The following FAM83F variants were observed in gnomAD, a reference collection of about 807,000 sequenced individuals.
FAM83F encodes the protein scaffolding CK1 anchoring protein F.
In FAM83F, 45 loss-of-function variants were observed where a neutral mutation model predicts 42.9. That is an observed-to-expected ratio of 1.05 (90% CI 0.83 to 1.35). The LOEUF (loss-of-function observed/expected upper bound fraction) is 1.35, where lower values mean the gene tolerates loss of function less well. Among genes scored for constraint, FAM83F ranks in the 40% most tolerant of loss-of-function variants. The probability of loss-of-function intolerance (pLI) is 0.00; values close to 1 mark genes in which losing one functional copy is unlikely to be tolerated. For missense variants in FAM83F, 617 were observed against 695.9 expected (o/e 0.89, Z 1.28); for synonymous variants, 306 against 298.3 (o/e 1.03, Z -0.27).
In FAM83F at chr22:40,016,174, G is replaced by A. The variant is rs1337624973; in HGVS notation, c.490-2994G>A. ...GGTTTACAGAAATAACATTGTCAGT[G>A]ATTGACTATACGTTGTTGTTGTTGT... On this transcript the variant is annotated intron_variant, in intron 1 of 4. Transcript: ENST00000333407. Among the ~76,000 whole-genome samples the A allele has an allele frequency of 2.0e-5, 3 of 150,636 alleles. No homozygotes were observed. The East Asian group carries it at 5.8e-4, about 29-fold the overall frequency.
chr22:40,020,528 A>G (rs2067514021), intron 3 of FAM83F, among the ~76,000 whole-genome samples: 1 of 151,582 alleles, frequency 6.6e-6, no homozygotes, highest in African/African-American at 2.4e-5. Context: ...ATGCTCAGCT[A>G]ATTTTTGTAT....
chr22:40,031,061 G>A lies in FAM83F; in HGVS notation c.*1496G>A, dbSNP rs940246560. On this transcript the variant is annotated 3_prime_UTR_variant, in exon 5 of 5. Coordinates refer to ENST00000333407, the MANE Select transcript of FAM83F (RefSeq NM_138435.4). ...CTGGCAGTGGGGAGGGGAAGGGAAA[G>A]GAAGGGTGAGCCTGTCCCCAGGGTC... 6 of 152,284 alleles carry A rather than the reference G, an allele frequency of 3.9e-5. No individual in the cohort carries two copies. The highest frequency in any genetic ancestry group is 1.2e-4 in the African/African-American group (5 of 41,446). The allele number at this position is 152,284 out of a possible 1,614,324, so 9.4% of individuals were successfully genotyped here. A position where few individuals can be genotyped will look rare whatever the true frequency, so the allele number is the denominator to read the frequency against.
chr22:40,039,796 A>G lies in FAM83F; in HGVS notation c.*10231A>G, dbSNP rs1372187753. Reference sequence around the variant, plus strand: ...TTGGGGAAGCAAAGAAAAGATTCTCAGAGTAAAACGTATTGGTGAAGCCAT... The same window carrying G: ...TTGGGGAAGCAAAGAAAAGATTCTCGGAGTAAAACGTATTGGTGAAGCCAT... On this transcript the variant is annotated 3_prime_UTR_variant, in exon 5 of 5. Transcript: ENST00000333407. 1 of 152,310 alleles carries G rather than the reference A, an allele frequency of 6.6e-6. No individual in the cohort carries two copies. The highest frequency in any genetic ancestry group is 1.5e-5 in the Non-Finnish European group (1 of 68,070). 9.4% of individuals were successfully genotyped at this position (152,310 alleles called of 1,614,324 possible).
At position 39,995,521 on chromosome 22, in the gene FAM83F, A is replaced by G. The variant is rs758846476; in HGVS notation, c.479A>G (p.Gln160Arg). Residue 160 changes from glutamine (Q) to arginine (R), a missense_variant, in exon 1 of 5, where the codon CAG (glutamine) becomes CGG (arginine). Physicochemically the swap from Gln to Arg is conservative, Grantham distance 43 (BLOSUM62 1). Coordinates refer to ENST00000333407, the MANE Select transcript of FAM83F (RefSeq NM_138435.4). This position sits in a 1 kb window ranked among gnomAD's most constrained non-coding sequence, Gnocchi z 4.6. ...CAGGTGGTCAGGCAGATGATCCAAC[A>G]GGCCCAGAAGGTAGGCCCCCGCCTT... ...LKQVVRQMIQ[Q>R]AQKVIAVVMD... 2.6e-6 allele frequency: 4 copies of G among 1,564,110 alleles called. No homozygotes were observed. Among genetic ancestry groups the G allele is most frequent in the Non-Finnish European group, 3.5e-6 (4 of 1,152,662 alleles).
chr22:40,016,820 C>T (rs1049303293), intron 1 of FAM83F, among the ~76,000 whole-genome samples: 3 of 151,884 alleles, frequency 2.0e-5, no homozygotes, highest in Admixed American at 1.3e-4. Flanking sequence ...CCCGCCACCA[C>T]GCCTGGCTAA....
At chr22:40,013,108 G>A (rs117184877) in intron 1 of FAM83F, among the ~76,000 whole-genome samples, 672 of 92,234 alleles carry the variant, frequency 7.3e-3, no homozygotes, top group Non-Finnish European at 8.7e-3. Context: ...AAAAAAAAAA[G>A]ACTGCTCCTT....
chr22:40,023,325 G>T lies in FAM83F; in HGVS notation c.1453+1362G>T, dbSNP rs146991419. Among the ~76,000 whole-genome samples, 427 of 151,218 alleles carry T rather than the reference G, an allele frequency of 2.8e-3. No homozygotes were observed. Among genetic ancestry groups the T allele is most frequent in the Non-Finnish European group, 4.7e-3 (317 of 67,786 alleles). ...CTGGCCCCATCCCCATTCCTCCTGG[G>T]CTCCCTGGCTCCCCTAACACCAGCT... On this transcript the variant is annotated intron_variant, in intron 4 of 4. Coordinates refer to ENST00000333407, the MANE Select transcript of FAM83F (RefSeq NM_138435.4). The surrounding 1 kb of genome is among the most constrained non-coding windows in gnomAD (Gnocchi z 4.1).
At chr22:40,015,829 A>G (rs2067489762) in intron 1 of FAM83F, among the ~76,000 whole-genome samples, 1 of 152,162 alleles carries the variant, frequency 6.6e-6, no homozygotes, top group Non-Finnish European at 1.5e-5. Context: ...TGTCTTAGTT[A>G]TTTTGTGCAA....
At position 40,042,069 on chromosome 22, in the gene FAM83F, T is replaced by C. The variant is rs2067653520; in HGVS notation, c.*12504T>C. On this transcript the variant is annotated 3_prime_UTR_variant, in exon 5 of 5. Coordinates refer to ENST00000333407, the MANE Select transcript of FAM83F (RefSeq NM_138435.4). ...TAGAAATGGGCTCTGCCTGTGTTGC[T>C]CTAGCTAGTCTCAAGCTCCTGGCCT... 1 of 152,172 alleles carries C rather than the reference T, an allele frequency of 6.6e-6. No individual in the cohort carries two copies. The highest frequency in any genetic ancestry group is 6.5e-5 in the Admixed American group (1 of 15,268). The allele number at this position is 152,172 out of a possible 1,614,324, so 9.4% of individuals were successfully genotyped here. A position where few individuals can be genotyped will look rare whatever the true frequency, so the allele number is the denominator to read the frequency against.
rs2067589642 is a variant in FAM83F, at chr22:40,031,840, A to G, written c.*2275A>G. ...CTTGAGACAGAAACTGTAGTCCGAG[A>G]TGGCAAGGATTTTGAACTCACAAAA... On this transcript the variant is annotated 3_prime_UTR_variant, in exon 5 of 5. Coordinates refer to ENST00000333407, the MANE Select transcript of FAM83F (RefSeq NM_138435.4). The G allele has an allele frequency of 6.6e-6, 1 of 152,240 alleles. No individual in the cohort carries two copies. Among genetic ancestry groups the G allele is most frequent in the Non-Finnish European group, 1.5e-5 (1 of 68,076 alleles). The allele number at this position is 152,240 out of a possible 1,614,324, so 9.4% of individuals were successfully genotyped here.
Position 40,021,137 on chromosome 22 carries a change from T to G in FAM83F, c.780-153T>G, listed in dbSNP as rs1310096268. On this transcript the variant is annotated intron_variant, in intron 3 of 4. Transcript: ENST00000333407. This position sits in a 1 kb window ranked among gnomAD's most constrained non-coding sequence, Gnocchi z 8.7. The stretch of plus-strand genomic sequence containing the variant: ...GCTCTGGGGAAAGGGAGGCTACGGG[T>G]GGGTGGAGGGAATCAGTCCAGCGTG... 1.3e-5 allele frequency among the ~76,000 whole-genome samples: 2 copies of G among 151,920 alleles called. No individual in the cohort carries two copies. Among genetic ancestry groups the G allele is most frequent in the East Asian group, 3.9e-4 (2 of 5,190 alleles).
chr22:40,013,015 T>C (rs2067474769), intron 1 of FAM83F, among the ~76,000 whole-genome samples: 1 of 135,076 alleles, frequency 7.4e-6, no homozygotes, highest in African/African-American at 2.9e-5. Context: ...CCCAGCAGGC[T>C]GAGCTTGCAG....
intron 1 of FAM83F, among the ~76,000 whole-genome samples, chr22:40,005,930 C>G (rs2067425477): frequency 6.6e-6 from 1 of 152,188 alleles, no homozygotes; most frequent in Non-Finnish European, 1.5e-5. Context: ...GCAGCCTCGC[C>G]TCCAAGTGGG....
rs183385867 is a variant in FAM83F, at chr22:40,023,077, G to A, written c.1453+1114G>A. Among the ~76,000 whole-genome samples the A allele has an allele frequency of 4.7e-4, 71 of 152,342 alleles. No individual in the cohort carries two copies. The highest frequency in any genetic ancestry group is 1.6e-3 in the African/African-American group (65 of 41,582). On this transcript the variant is annotated intron_variant, in intron 4 of 4. Transcript: ENST00000333407. This position sits in a 1 kb window ranked among gnomAD's most constrained non-coding sequence, Gnocchi z 4.1. Reference sequence around the variant, plus strand: ...GTGGGCACAGTGGGAGTGTCAGGGCGTTCCTTCTGTTTGGCCTGGAGACGT... The same window carrying A: ...GTGGGCACAGTGGGAGTGTCAGGGCATTCCTTCTGTTTGGCCTGGAGACGT...
At chr22:40,017,418 A>C (rs1390480292) in intron 1 of FAM83F, among the ~76,000 whole-genome samples, 1 of 151,724 alleles carries the variant, frequency 6.6e-6, no homozygotes, top group African/African-American at 2.4e-5. Flanking sequence ...TTTTTAGTAG[A>C]GACAGGGTTT....
chr22:40,019,848 C>A, intron 2 of FAM83F, 39 bp from the exon 3 acceptor site: 2 of 1,578,766 alleles, frequency 1.3e-6, no homozygotes, highest in South Asian at 1.2e-5. Flanking sequence ...CGGAGGCTGG[C>A]CCAACCCAGG....
chr22:40,019,475 G>A lies in FAM83F; in HGVS notation c.657+140G>A, dbSNP rs1214623679. The A allele has an allele frequency of 3.9e-6, 3 of 761,284 alleles. No homozygotes were observed. The East Asian group carries it at 7.9e-5, about 20-fold the overall frequency. The allele number at this position is 761,284 out of a possible 1,614,324, so 47.2% of individuals were successfully genotyped here. A position where few individuals can be genotyped will look rare whatever the true frequency, so the allele number is the denominator to read the frequency against. ...AGATCTCAACACCTTTCCTTTTGTTGAAAGTCAAGCCTTTAACCTTGGCTT... is the reference window on the plus strand; with the variant it reads ...AGATCTCAACACCTTTCCTTTTGTTAAAAGTCAAGCCTTTAACCTTGGCTT... On this transcript the variant is annotated intron_variant, in intron 2 of 4. Coordinates refer to ENST00000333407, the MANE Select transcript of FAM83F (RefSeq NM_138435.4).
chr22:40,023,111 C>A lies in FAM83F; in HGVS notation c.1453+1148C>A, dbSNP rs1365540534. On this transcript the variant is annotated intron_variant, in intron 4 of 4. Coordinates refer to ENST00000333407, the MANE Select transcript of FAM83F (RefSeq NM_138435.4). This position sits in a 1 kb window ranked among gnomAD's most constrained non-coding sequence, Gnocchi z 4.1. ...GTTTGGCCTGGAGACGTTGACTGAG[C>A]TGCTGGCTTGCCAGGTCCTGCACAG... Among the ~76,000 whole-genome samples, 1 of 152,206 alleles carries A rather than the reference C, an allele frequency of 6.6e-6. No individual in the cohort carries two copies. Among genetic ancestry groups the A allele is most frequent in the East Asian group, 1.9e-4 (1 of 5,184 alleles).
Position 40,021,498 on chromosome 22 carries a change from G to C in FAM83F, c.988G>C (p.Val330Leu), listed in dbSNP as rs759158719. Residue 330 changes from valine (V) to leucine (L), a missense_variant, in exon 4 of 5, where the codon GTG (valine) becomes CTG (leucine). Coordinates refer to ENST00000333407, the MANE Select transcript of FAM83F (RefSeq NM_138435.4). This position sits in a 1 kb window ranked among gnomAD's most constrained non-coding sequence, Gnocchi z 8.7. ...RKLINPKYAL[V>L]SGCRHPPGEM... ...GCTTATCAACCCCAAGTACGCCTTG[G>C]TGTCAGGCTGCCGCCACCCGCCTGG... 1.2e-5 allele frequency: 19 copies of C among 1,585,106 alleles called. No homozygotes were observed. Among genetic ancestry groups the C allele is most frequent in the East Asian group, 2.3e-5 (1 of 44,290 alleles).
Sources: allele counts gnomAD v4.1 joint callset (sites outside exome capture counted in the v4.1 genomes callset), GRCh38; gene constraint gnomAD v4.1.1; non-coding constraint Gnocchi (gnomAD v3.1); transcripts MANE v1.5; gene names NCBI Gene and HGNC (gene_info 2026-07-23, HGNC 2026-07-21).